GPR139: variants seen among roughly 807,000 people sequenced by gnomAD.
GPR139 encodes the protein probable G protein-coupled receptor 139.
Under a neutral mutation model 25.8 loss-of-function variants are expected in GPR139, and 12 were observed. That is an observed-to-expected ratio of 0.47 (90% CI 0.30 to 0.75). The LOEUF (loss-of-function observed/expected upper bound fraction) is 0.75. Among genes scored for constraint, GPR139 ranks in the 30% least tolerant of loss-of-function variants. The pLI is 0.07. For missense variants in GPR139, 380 were observed against 450.2 expected, an observed-to-expected ratio of 0.84 and a Z score of 1.41; for synonymous variants, 184 against 179.9, an observed-to-expected ratio of 1.02 and a Z score of -0.18.
At chr16:20,071,072 C>T (rs1250261803) in intron 1 of GPR139, 23 of 868,312 alleles carry the variant, frequency 2.6e-5, no homozygotes, top group African/African-American at 3.6e-5. Context: ...GGCACCAAGG[C>T]GAGCATTTCG....
intron 1 of GPR139, among the ~76,000 whole-genome samples, chr16:20,045,057 T>C (rs573912912): frequency 1.4e-5 from 2 of 145,856 alleles, no homozygotes; most frequent in Non-Finnish European, 3.0e-5. Flanking sequence ...TGGAGAGCAG[T>C]GGTGCAATCG....
At position 20,031,653 on chromosome 16, in the gene GPR139, G is replaced by C; in HGVS notation, c.*82C>G. 9.3e-7 allele frequency: 1 copy of C among 1,073,762 alleles called. No individual in the cohort carries two copies. The highest frequency in any genetic ancestry group is 1.4e-6 in the Non-Finnish European group (1 of 708,088). 66.5% of individuals were successfully genotyped at this position (1,073,762 alleles called of 1,614,324 possible). ...AGGAAATCGGATTAGCACTCTTAAG[G>C]AGAGCTGCTCAGCCATAGGATGGGA... On this transcript the variant is annotated 3_prime_UTR_variant, in exon 2 of 2. Coordinates refer to ENST00000570682, the MANE Select transcript of GPR139 (RefSeq NM_001002911.4).
rs935651279 is a variant in GPR139, at chr16:20,073,833, C to T, written c.-217G>A. 2 of 562,930 alleles carry T rather than the reference C, an allele frequency of 3.6e-6. No homozygotes were observed. Among genetic ancestry groups the T allele is most frequent in the South Asian group, 6.0e-5 (2 of 33,386 alleles). The allele number at this position is 562,930 out of a possible 1,614,324, so 34.9% of individuals were successfully genotyped here. ...CTCAGCCCTCCCGCAGGGCGCGGGG[C>T]GCAGGGTGCGGGGCGCGCTGCGCGG... On this transcript the variant is annotated 5_prime_UTR_variant, in exon 1 of 2. Transcript: ENST00000570682. The surrounding 1 kb of genome is among the most constrained non-coding windows in gnomAD (Gnocchi z 4.7).
At chr16:20,061,812 TTGCACTGC>T (rs1269520080) in intron 1 of GPR139, among the ~76,000 whole-genome samples, 4 of 152,246 alleles carry the variant, frequency 2.6e-5, no homozygotes, top group Non-Finnish European at 4.4e-5. Context: ...ATCACTTGCT[TTGCACTGC>T]TGCACTGCTG....
Position 20,032,502 on chromosome 16 carries a change from C to T in GPR139, c.295G>A (p.Val99Ile). 6.2e-7 allele frequency: 1 copy of T among 1,614,022 alleles called. No individual in the cohort carries two copies. Among genetic ancestry groups the T allele is most frequent in the East Asian group, 2.2e-5 (1 of 44,862 alleles). The change falls in exon 2 of 2, where the codon GTC becomes ATC. Residue 99 changes from valine to isoleucine, a missense_variant. By Grantham distance (29) the Val-to-Ile change is conservative. Transcript: ENST00000570682. ...AGCACTTCTATGATCTTGTCGGGGA[C>T]CTGAGGCATCTGCATGTTCAAGATG... ...DFILNMQMPQ[V>I]PDKIIEVLEF...
chr16:20,028,458 T>C lies in GPR139; in HGVS notation c.*3277A>G, dbSNP rs1366206491. On this transcript the variant is annotated 3_prime_UTR_variant, in exon 2 of 2. Transcript: ENST00000570682. ...TACAAACAAGTCCAAACACAATATATAATCTAATTAAGAAAATATGAACAT... is the reference window on the plus strand; with the variant it reads ...TACAAACAAGTCCAAACACAATATACAATCTAATTAAGAAAATATGAACAT... Among the ~76,000 whole-genome samples, 1 of 152,138 alleles carries C rather than the reference T, an allele frequency of 6.6e-6. No homozygotes were observed. The highest frequency in any genetic ancestry group is 1.9e-4 in the East Asian group (1 of 5,196).
At chr16:20,041,084 TGGGCGACA>T (rs1473023939) in intron 1 of GPR139, among the ~76,000 whole-genome samples, 1 of 136,196 alleles carries the variant, frequency 7.3e-6, no homozygotes, top group African/African-American at 2.9e-5. Context: ...CACTCCAGCC[TGGGCGACA>T]GAGTGAGACT....
chr16:20,039,970 G>T (rs2057324464), intron 1 of GPR139, among the ~76,000 whole-genome samples: 1 of 152,174 alleles, frequency 6.6e-6, no homozygotes, highest in Admixed American at 6.5e-5. Context: ...TAGGTCATAA[G>T]TGGGTCTTTT....
intron 1 of GPR139, among the ~76,000 whole-genome samples, chr16:20,050,828 G>C (rs555541107): frequency 6.6e-6 from 1 of 152,320 alleles, no homozygotes; most frequent in South Asian, 2.1e-4. Flanking sequence ...TTGGGAGGCT[G>C]AGGTGGGCAG....
At position 20,032,330 on chromosome 16, in the gene GPR139, C is replaced by A. The variant is rs1013940734; in HGVS notation, c.467G>T (p.Cys156Phe). The A allele has an allele frequency of 1.9e-6, 3 of 1,614,082 alleles. No individual in the cohort carries two copies. The highest frequency in any genetic ancestry group is 2.7e-5 in the African/African-American group (2 of 74,930). Residue 156 changes from cysteine (C) to phenylalanine (F), a missense_variant, in exon 2 of 2, where the codon TGC (cysteine) becomes TTC (phenylalanine). Physicochemically the swap from Cys to Phe is radical, Grantham distance 205. Transcript: ENST00000570682. ...RKVIVSVYIT[C>F]FLTSIPYYWW... Reference sequence around the variant, plus strand: ...GTAATAGGGGATGCTGGTCAGGAAGCAGGTGATGTAAACACTTACAATGAC... The same window carrying A: ...GTAATAGGGGATGCTGGTCAGGAAGAAGGTGATGTAAACACTTACAATGAC...
chr16:20,071,072 C>A, intron 1 of GPR139: 1 of 868,430 alleles, frequency 1.2e-6, no homozygotes, highest in Non-Finnish European at 1.4e-6. Context: ...GGCACCAAGG[C>A]GAGCATTTCG....
intron 1 of GPR139, among the ~76,000 whole-genome samples, chr16:20,061,178 AATGGATGGATGGATGG>A (rs200262959): frequency 2.1e-3 from 298 of 140,650 alleles, no homozygotes; most frequent in Non-Finnish European, 3.3e-3. Context: ...CCAGGCCCAG[AATGGATGGATGGATGG>A]ATGGATGGAT....
rs369694318 is a variant in GPR139 at position 20,031,160 on chromosome 16, T to C, written c.*575A>G. Reference sequence around the variant, plus strand: ...TGGCCACAGTTTGGATGGGATCCAATACTCTTCTATTCCCACAGTGTCATT... The same window carrying C: ...TGGCCACAGTTTGGATGGGATCCAACACTCTTCTATTCCCACAGTGTCATT... On this transcript the variant is annotated 3_prime_UTR_variant, in exon 2 of 2. Coordinates refer to ENST00000570682, the MANE Select transcript of GPR139 (RefSeq NM_001002911.4). Among the ~76,000 whole-genome samples, 64 of 152,234 alleles carry C rather than the reference T, an allele frequency of 4.2e-4. No homozygotes were observed. The East Asian group carries it at 5.8e-3, about 14-fold the overall frequency.
chr16:20,043,331 A>G lies in GPR139; in HGVS notation c.128-10662T>C, dbSNP rs199963606. Among the ~76,000 whole-genome samples, 8 of 152,158 alleles carry G rather than the reference A, an allele frequency of 5.3e-5. No individual in the cohort carries two copies. In the East Asian group the frequency reaches 7.7e-4, roughly 15 times the overall value. On this transcript the variant is annotated intron_variant, in intron 1 of 1. Transcript: ENST00000570682. ...ACATCCAAGCCAGCCGACAGACCCAATGGTTTCCAAACTGTATATCTCAGT... is the reference window on the plus strand; with the variant it reads ...ACATCCAAGCCAGCCGACAGACCCAGTGGTTTCCAAACTGTATATCTCAGT...
At chr16:20,036,831 G>A (rs1386200601) in intron 1 of GPR139, among the ~76,000 whole-genome samples, 2 of 152,172 alleles carry the variant, frequency 1.3e-5, no homozygotes, top group East Asian at 3.9e-4. Flanking sequence ...TAATAAAGTG[G>A]TTTAAACAGT....
chr16:20,042,067 A>T (rs1200539413), intron 1 of GPR139, among the ~76,000 whole-genome samples: 1 of 152,220 alleles, frequency 6.6e-6, no homozygotes, highest in Admixed American at 6.5e-5. Flanking sequence ...TTCAAATCCC[A>T]AGACAGCCAT....
At chr16:20,067,252 G>A (rs2057437868) in intron 1 of GPR139, among the ~76,000 whole-genome samples, 1 of 152,174 alleles carries the variant, frequency 6.6e-6, no homozygotes. Flanking sequence ...TACATCATTG[G>A]TCTATGCTCA....
chr16:20,065,718 A>C (rs543568652), intron 1 of GPR139, among the ~76,000 whole-genome samples: 178 of 152,104 alleles, frequency 1.2e-3, no homozygotes, highest in African/African-American at 4.2e-3. Flanking sequence ...TAAAAACACA[A>C]AAAAATGAGC....
intron 1 of GPR139, among the ~76,000 whole-genome samples, chr16:20,055,896 ATTG>A (rs2057387021): frequency 6.6e-6 from 1 of 152,240 alleles, no homozygotes; most frequent in South Asian, 2.1e-4. Context: ...CATCTGTAGA[ATTG>A]GGTAATAGCA....
Sources: allele counts gnomAD v4.1 joint callset (sites outside exome capture counted in the v4.1 genomes callset), GRCh38; gene constraint gnomAD v4.1.1; non-coding constraint Gnocchi (gnomAD v3.1); transcripts MANE v1.5; gene names NCBI Gene and HGNC (gene_info 2026-07-23, HGNC 2026-07-21).